Variants in EPB41L2 observed in about 807,000 individuals in gnomAD.
EPB41L2 encodes the protein band 4.1-like protein 2.
A neutral mutation model predicts 113.0 loss-of-function variants in EPB41L2; 43 were observed. That is an observed-to-expected ratio of 0.38 (90% CI 0.30 to 0.49). The LOEUF (loss-of-function observed/expected upper bound fraction) is 0.49. Among genes scored for constraint, EPB41L2 ranks in the 20% least tolerant of loss-of-function variants. The pLI, the probability that EPB41L2 is intolerant of heterozygous loss-of-function variation, is 0.95. For synonymous variants in EPB41L2, 442 were observed against 436.7 expected (o/e 1.01, Z -0.15); for missense variants, 1,147 against 1,223.4 (o/e 0.94, Z 0.93).
chr6:130,921,475 G>C (rs551732722), intron 4 of EPB41L2, among the ~76,000 whole-genome samples: 3 of 152,090 alleles, frequency 2.0e-5, no homozygotes, highest in Non-Finnish European at 4.4e-5. Context: ...ACCCCTCACA[G>C]GTCTTTCCTA....
At chr6:130,860,105 G>A (rs1178901087) in intron 18 of EPB41L2, among the ~76,000 whole-genome samples, 2 of 152,204 alleles carry the variant, frequency 1.3e-5, no homozygotes, top group Admixed American at 1.3e-4. Context: ...GTCTTCAGAG[G>A]GAAGGAGATT....
intron 1 of EPB41L2, chr6:131,000,786 T>C (rs1202184049): frequency 6.6e-6 from 1 of 152,232 alleles, no homozygotes; most frequent in Non-Finnish European, 1.5e-5. Flanking sequence ...AATCCAGTCC[T>C]AGTGCTTAAG....
chr6:130,919,628 A>T (rs1005542622), intron 4 of EPB41L2, among the ~76,000 whole-genome samples: 11 of 152,212 alleles, frequency 7.2e-5, no homozygotes, highest in African/African-American at 2.4e-4. Context: ...TGACCCTGTG[A>T]ATAATCAGCT....
chr6:130,885,659 C>G (rs1790715697), intron 11 of EPB41L2, among the ~76,000 whole-genome samples: 1 of 152,038 alleles, frequency 6.6e-6, no homozygotes, highest in Non-Finnish European at 1.5e-5. Context: ...CTATCTATTG[C>G]AACAAATGAT....
Position 130,904,539 on chromosome 6 carries a change from G to C in EPB41L2, c.855C>G (p.Asn285Lys). 6.3e-7 allele frequency: 1 copy of C among 1,589,310 alleles called. No homozygotes were observed. Among genetic ancestry groups the C allele is most frequent in the Non-Finnish European group, 8.6e-7 (1 of 1,162,166 alleles). The change falls in exon 6 of 20, where the codon AAC (asparagine) becomes AAG (lysine). Residue 285 changes from asparagine (N) to lysine (K), a missense_variant and splice_region_variant. By Grantham distance (94) the Asn-to-Lys change is moderately conservative. Coordinates refer to ENST00000337057, the MANE Select transcript of EPB41L2 (RefSeq NM_001431.4). Reference sequence around the variant, plus strand: ...CATTAAAAGTGAATAGCCATGGAAGGTCTGTAATTATTAAATATCACAGTT... The same window carrying C: ...CATTAAAAGTGAATAGCCATGGAAGCTCTGTAATTATTAAATATCACAGTT... ...PAKEIKRQLR[N>K]LPWLFTFNVK...
intron 1 of EPB41L2, among the ~76,000 whole-genome samples, chr6:131,038,313 T>C (rs990400282): frequency 6.6e-6 from 1 of 152,204 alleles, no homozygotes; most frequent in Non-Finnish European, 1.5e-5. Context: ...GAGTCTTATA[T>C]GGGACAATCC....
chr6:130,960,369 A>C (rs140304900), intron 1 of EPB41L2, among the ~76,000 whole-genome samples: 59 of 152,374 alleles, frequency 3.9e-4, no homozygotes, highest in African/African-American at 1.4e-3. Flanking sequence ...TTTAAATAAC[A>C]AAGAAAATCC....
intron 1 of EPB41L2, among the ~76,000 whole-genome samples, chr6:130,992,161 G>A (rs1482154684): frequency 6.6e-6 from 1 of 152,122 alleles, no homozygotes; most frequent in African/African-American, 2.4e-5. Context: ...TATTAAGAGG[G>A]TGATTTGCGA....
At chr6:130,906,058 T>C (rs898934900) in intron 5 of EPB41L2, among the ~76,000 whole-genome samples, 2 of 152,238 alleles carry the variant, frequency 1.3e-5, no homozygotes, top group African/African-American at 4.8e-5. Context: ...ATGAGGTTTC[T>C]TGGCCTATAG....
intron 1 of EPB41L2, among the ~76,000 whole-genome samples, chr6:130,981,341 T>C (rs376501544): frequency 9.9e-5 from 15 of 152,178 alleles, no homozygotes; most frequent in African/African-American, 3.6e-4. Context: ...GTTTTCATCA[T>C]AGTGTGTGCC....
intron 1 of EPB41L2, among the ~76,000 whole-genome samples, chr6:130,962,091 C>G (rs62423583): frequency 3.9e-5 from 6 of 151,998 alleles, no homozygotes; most frequent in Admixed American, 3.3e-4. Flanking sequence ...CCCGAAGGGC[C>G]TATAGCTATT....
chr6:130,929,580 G>C (rs1805996548), intron 3 of EPB41L2, among the ~76,000 whole-genome samples: 1 of 152,008 alleles, frequency 6.6e-6, no homozygotes, highest in Admixed American at 6.6e-5. Context: ...AAGATACCAG[G>C]GAATCAATGA....
intron 3 of EPB41L2, among the ~76,000 whole-genome samples, chr6:130,945,035 C>A (rs1325662605): frequency 6.6e-6 from 1 of 152,162 alleles, no homozygotes; most frequent in Non-Finnish European, 1.5e-5. Context: ...GCCACCTTGA[C>A]CAATGTCACT....
intron 4 of EPB41L2, among the ~76,000 whole-genome samples, chr6:130,923,180 A>G (rs1027905843): frequency 6.6e-6 from 1 of 151,930 alleles, no homozygotes; most frequent in Non-Finnish European, 1.5e-5. Context: ...TCTCTCTTCA[A>G]TCATTCGCTT....
chr6:130,997,595 C>T (rs1003127316), intron 1 of EPB41L2, among the ~76,000 whole-genome samples: 5 of 152,154 alleles, frequency 3.3e-5, no homozygotes, highest in Admixed American at 6.5e-5. Context: ...GCACAATACA[C>T]GCACAATTTA....
At position 130,955,235 on chromosome 6, in the gene EPB41L2, C is replaced by G; in HGVS notation, c.575G>C (p.Arg192Thr). 1 of 1,614,138 alleles carries G rather than the reference C, an allele frequency of 6.2e-7. No homozygotes were observed. The change falls in exon 3 of 20, where the codon AGG (arginine) becomes ACG (threonine). Residue 192 changes from arginine (R) to threonine (T), a missense_variant. Coordinates refer to ENST00000337057, the MANE Select transcript of EPB41L2 (RefSeq NM_001431.4). ...EDKLEGGAAK[R>T]ETKEVQTNEL... ...ATTGGTCTGCACTTCCTTGGTCTCC[C>G]TTTTTGCTGCTCCTCCTTCTAATTT...
chr6:130,951,553 C>G (rs922257129), intron 3 of EPB41L2, among the ~76,000 whole-genome samples: 2 of 151,530 alleles, frequency 1.3e-5, no homozygotes, highest in Non-Finnish European at 2.9e-5. Flanking sequence ...TCTCGAGCCC[C>G]TGACCTCAGG....
intron 4 of EPB41L2, among the ~76,000 whole-genome samples, chr6:130,917,189 G>A (rs918944770): frequency 1.3e-5 from 2 of 152,114 alleles, no homozygotes; most frequent in African/African-American, 2.4e-5. Flanking sequence ...CCACAGCAGG[G>A]TCCTAACCAT....
intron 17 of EPB41L2, among the ~76,000 whole-genome samples, chr6:130,864,008 G>C (rs1226452000): frequency 6.6e-6 from 1 of 152,124 alleles, no homozygotes; most frequent in African/African-American, 2.4e-5. Flanking sequence ...AATCTCACTT[G>C]ATTAAGATAG....
Sources: allele counts gnomAD v4.1 joint callset (sites outside exome capture counted in the v4.1 genomes callset), GRCh38; gene constraint gnomAD v4.1.1; transcripts MANE v1.5; gene names NCBI Gene and HGNC (gene_info 2026-07-23, HGNC 2026-07-21).